HMGA2: variants seen among roughly 807,000 people sequenced by gnomAD.
The protein encoded by HMGA2 is high mobility group protein HMGI-C.
HMGA2 carries 8 observed loss-of-function variants against 19.1 expected under a neutral mutation model. The ratio of observed to expected loss-of-function variants is 0.42; its 90% CI spans 0.25 to 0.76. HMGA2 has a LOEUF of 0.76. Among genes scored for constraint, HMGA2 ranks in the 30% least tolerant of loss-of-function variants. The probability of loss-of-function intolerance (pLI) is 0.28; values close to 1 mark genes in which losing one functional copy is unlikely to be tolerated. For missense variants in HMGA2, 109 were observed against 136.3 expected (o/e 0.80, Z 1.00); for synonymous variants, 60 against 48.8 (o/e 1.23, Z -0.96).
intron 3 of HMGA2, among the ~76,000 whole-genome samples, chr12:65,845,250 C>T (rs986063231): frequency 5.9e-5 from 9 of 151,824 alleles, no homozygotes; most frequent in Non-Finnish European, 8.8e-5. Context: ...CTTTTATAAG[C>T]GTTTTTGTTT....
chr12:65,863,766 C>T (rs961888697), intron 3 of HMGA2, among the ~76,000 whole-genome samples: 12 of 152,262 alleles, frequency 7.9e-5, no homozygotes, highest in African/African-American at 2.9e-4. Flanking sequence ...CTACAGAAGT[C>T]GCAACCCTCA....
At chr12:65,962,578 G>A (rs890961593) in intron 4 of HMGA2, among the ~76,000 whole-genome samples, 7 of 152,130 alleles carry the variant, frequency 4.6e-5, no homozygotes, top group African/African-American at 1.4e-4. Flanking sequence ...GGGAAGGCTC[G>A]TTGTCAGCTC....
chr12:65,827,586 G>T (rs543163829), intron 1 of HMGA2, among the ~76,000 whole-genome samples: 2 of 152,144 alleles, frequency 1.3e-5, no homozygotes, highest in East Asian at 3.8e-4. Flanking sequence ...TATCTGTGAT[G>T]GTAGCTTCGT....
At chr12:65,934,373 C>CTT (rs1875821271) in intron 3 of HMGA2, among the ~76,000 whole-genome samples, 1 of 152,140 alleles carries the variant, frequency 6.6e-6, no homozygotes, top group South Asian at 2.1e-4. Context: ...CATCAGCATA[C>CTT]TTTTATGCTT....
At chr12:65,881,715 C>T in intron 3 of HMGA2, 1 of 702,700 alleles carries the variant, frequency 1.4e-6, no homozygotes, top group Non-Finnish European at 2.6e-6. Context: ...GAGCTTCACT[C>T]ACTGACTCCG....
At chr12:65,844,154 G>A (rs1871139075) in intron 3 of HMGA2, among the ~76,000 whole-genome samples, 1 of 152,082 alleles carries the variant, frequency 6.6e-6, no homozygotes, top group Admixed American at 6.6e-5. Context: ...AGTCAGAGGG[G>A]AAGAAATAAC....
chr12:65,914,985 C>A, intron 3 of HMGA2: 1 of 1,596,684 alleles, frequency 6.3e-7, no homozygotes, highest in South Asian at 1.1e-5. Context: ...TAAAAAATGT[C>A]TATTAGTGTT....
At chr12:65,866,654 A>G (rs181738421) in intron 3 of HMGA2, 444 of 367,034 alleles carry the variant, frequency 1.2e-3, no homozygotes, top group African/African-American at 8.1e-3. Context: ...GTAACTACCT[A>G]TAAGCTTCAA....
rs1306385317 is a variant in HMGA2 at position 65,966,163 on chromosome 12, T to A, written c.*2871T>A. 1 of 204,232 alleles carries A rather than the reference T, an allele frequency of 4.9e-6. No homozygotes were observed. Among genetic ancestry groups the A allele is most frequent in the Non-Finnish European group, 1.0e-5 (1 of 99,386 alleles). The allele number at this position is 204,232 out of a possible 1,614,324, so 12.7% of individuals were successfully genotyped here. A position where few individuals can be genotyped will look rare whatever the true frequency, so the allele number is the denominator to read the frequency against. On this transcript the variant is annotated 3_prime_UTR_variant, in exon 5 of 5. Coordinates refer to ENST00000403681, the MANE Select transcript of HMGA2 (RefSeq NM_003483.6). ...TTGAATCGCTTGCTTGTTGAAAATATTTCTCTAGTGTATTATCACTGTCTG... is the reference window on the plus strand; with the variant it reads ...TTGAATCGCTTGCTTGTTGAAAATAATTCTCTAGTGTATTATCACTGTCTG...
chr12:65,931,551 TTGTG>T (rs60877869), intron 3 of HMGA2, among the ~76,000 whole-genome samples: 4,562 of 144,138 alleles, frequency 0.032, 188 homozygotes, highest in African/African-American at 0.094. Flanking sequence ...TTATAGATGT[TTGTG>T]TGTGTGTGTG....
At chr12:65,854,463 G>A (rs1471772414) in intron 3 of HMGA2, among the ~76,000 whole-genome samples, 1 of 152,230 alleles carries the variant, frequency 6.6e-6, no homozygotes, top group Admixed American at 6.5e-5. Context: ...TCCATTCATC[G>A]CGATTAGATT....
chr12:65,933,472 C>A lies in HMGA2; in HGVS notation c.250-17911C>A, dbSNP rs372214435. Among the ~76,000 whole-genome samples, 21 of 152,288 alleles carry A rather than the reference C, an allele frequency of 1.4e-4. No individual in the cohort carries two copies. In the South Asian group the frequency reaches 2.9e-3, roughly 21 times the overall value. On this transcript the variant is annotated intron_variant, in intron 3 of 4. Transcript: ENST00000403681. ...ACCCCTTTAATTTATCCTGTGTAAA[C>A]AATCACTATAGTCTGCAAAATAGAT... is the stretch of plus-strand genomic sequence containing the variant.
chr12:65,877,502 G>T (rs1873107214), intron 3 of HMGA2, among the ~76,000 whole-genome samples: 1 of 152,206 alleles, frequency 6.6e-6, no homozygotes, highest in African/African-American at 2.4e-5. Flanking sequence ...CTGGGAGAAT[G>T]TAAAACACAC....
At chr12:65,895,729 C>T (rs1874100556) in intron 3 of HMGA2, among the ~76,000 whole-genome samples, 1 of 151,878 alleles carries the variant, frequency 6.6e-6, no homozygotes, top group Non-Finnish European at 1.5e-5. Context: ...CTTTGTCCTA[C>T]ATAGTCTGCC....
intron 3 of HMGA2, among the ~76,000 whole-genome samples, chr12:65,863,434 G>A (rs931680966): frequency 1.3e-5 from 2 of 151,906 alleles, no homozygotes; most frequent in Non-Finnish European, 2.9e-5. Flanking sequence ...GCCAAAACAG[G>A]GCACAAGTGC....
chr12:65,854,242 C>G (rs936641857), intron 3 of HMGA2, among the ~76,000 whole-genome samples: 17 of 152,188 alleles, frequency 1.1e-4, no homozygotes, highest in Non-Finnish European at 1.5e-5. Context: ...TAGAAAGGAA[C>G]ATTTTGATAG....
intron 3 of HMGA2, among the ~76,000 whole-genome samples, chr12:65,938,939 C>T (rs12424074): frequency 6.6e-6 from 1 of 152,092 alleles, no homozygotes; most frequent in East Asian, 1.9e-4. Context: ...AGTCACTGGG[C>T]CCCCCAAATC....
intron 3 of HMGA2, chr12:65,856,454 T>A (rs565134894): frequency 6.6e-6 from 1 of 152,352 alleles, no homozygotes; most frequent in South Asian, 2.1e-4. Context: ...TGACTTCTAG[T>A]CCATTGCTTT....
intron 3 of HMGA2, among the ~76,000 whole-genome samples, chr12:65,926,223 C>G (rs1255542070): frequency 1.3e-5 from 2 of 152,292 alleles, no homozygotes; most frequent in Non-Finnish European, 2.9e-5. Flanking sequence ...GAGATAACAA[C>G]AGTGGAGTCT....
Sources: gnomAD v4.1 joint callset for allele counts (sites outside exome capture counted in the v4.1 genomes callset) on GRCh38, gnomAD v4.1.1 for gene constraint, MANE v1.5 for transcripts, NCBI Gene and HGNC (gene_info 2026-07-23, HGNC 2026-07-21) for gene names.